GSE1: variants seen among roughly 807,000 people sequenced by gnomAD.
GSE1 encodes Gse1 coiled-coil protein, also known as genetic suppressor element 1.
In GSE1, 32 loss-of-function variants were observed where a neutral mutation model predicts 112.6. That is an observed-to-expected ratio of 0.28 (90% CI 0.21 to 0.38). The LOEUF is 0.38. GSE1 is among the 10% of genes least tolerant of loss of function. The pLI is 1.00. For synonymous variants in GSE1, 1,115 were observed against 735.6 expected (o/e 1.52, Z -8.35); for missense variants, 2,348 against 1,699.2 (o/e 1.38, Z -6.71).
At chr16:85,634,651 C>G (rs1482362279) in intron 2 of GSE1, among the ~76,000 whole-genome samples, 1 of 152,010 alleles carries the variant, frequency 6.6e-6, no homozygotes, top group Non-Finnish European at 1.5e-5. Flanking sequence ...CTGTGGGGAG[C>G]ATAGACAAGC....
chr16:85,530,967 T>G (rs7195591), intron 2 of GSE1, among the ~76,000 whole-genome samples: 141,348 of 152,308 alleles, frequency 0.93, 65,729 homozygotes, highest in East Asian at 0.98. Flanking sequence ...GTGTTGTTTG[T>G]GTTGTCACCT....
chr16:85,650,239 G>A (rs572036854), intron 3 of GSE1, among the ~76,000 whole-genome samples: 1 of 152,164 alleles, frequency 6.6e-6, no homozygotes, highest in Non-Finnish European at 1.5e-5. Context: ...TTTGAGGGAG[G>A]CTGAGGGAGT....
At chr16:85,608,904 G>A (rs1044355211), upstream of GSE1, among the ~76,000 whole-genome samples, 2 of 152,224 alleles carry the variant, frequency 1.3e-5, no homozygotes, top group Non-Finnish European at 2.9e-5. Flanking sequence ...CAGTTCCTAC[G>A]TGCTAGGAGC....
intron 1 of GSE1, among the ~76,000 whole-genome samples, chr16:85,202,427 G>T (rs1419088888): frequency 6.6e-6 from 1 of 152,238 alleles, no homozygotes; most frequent in African/African-American, 2.4e-5. Flanking sequence ...GAGAGCGGGG[G>T]TGGGGCCCAC....
chr16:85,645,716 G>A (rs998163065), intron 2 of GSE1, among the ~76,000 whole-genome samples: 5 of 152,216 alleles, frequency 3.3e-5, no homozygotes, highest in African/African-American at 4.8e-5. Flanking sequence ...TTCTGCCCCC[G>A]GAACCAAGGC....
intron 2 of GSE1, among the ~76,000 whole-genome samples, chr16:85,468,614 C>A (rs12447168): frequency 0.56 from 85,298 of 151,738 alleles, 25,506 homozygotes; most frequent in Non-Finnish European, 0.67. Context: ...GAGACACCAC[C>A]CCCAGCCCTC....
chr16:85,577,980 T>C (rs897562008), intron 1 of GSE1, among the ~76,000 whole-genome samples: 4 of 152,382 alleles, frequency 2.6e-5, no homozygotes, highest in Middle Eastern at 3.4e-3. Context: ...GGCAAGTTGC[T>C]TCCCCTCTCT....
intron 13 of GSE1, chr16:85,666,650 C>T: frequency 2.6e-6 from 1 of 386,324 alleles, no homozygotes; most frequent in Admixed American, 4.4e-5. Context: ...TTGGTTTTTG[C>T]AGAGATTAAA....
At chr16:85,662,892 G>T (rs759497738) in intron 9 of GSE1, 89 bp from the exon 10 acceptor site, 10 of 906,174 alleles carry the variant, frequency 1.1e-5, no homozygotes, top group Admixed American at 5.6e-5. Context: ...TGGCCTGATA[G>T]GTGCTCTGCA....
At chr16:85,644,583 T>C (rs1405993249) in intron 2 of GSE1, among the ~76,000 whole-genome samples, 1 of 152,112 alleles carries the variant, frequency 6.6e-6, no homozygotes, top group East Asian at 1.9e-4. Flanking sequence ...CGCGGTGGGA[T>C]TCCCTTGATG....
intron 2 of GSE1, among the ~76,000 whole-genome samples, chr16:85,439,518 G>T (rs2049326534): frequency 6.7e-6 from 1 of 148,612 alleles, no homozygotes; most frequent in South Asian, 2.1e-4. Context: ...TCACAGGCGG[G>T]GAAACACACG....
At chr16:85,357,448 C>T (rs922955372) in intron 1 of GSE1, 2 of 1,205,664 alleles carry the variant, frequency 1.7e-6, no homozygotes, top group African/African-American at 3.2e-5. Flanking sequence ...CTGTGTCCAC[C>T]TCTTTTCCTT....
At chr16:85,627,420 C>T (rs1015864970) in intron 1 of GSE1, among the ~76,000 whole-genome samples, 1 of 152,022 alleles carries the variant, frequency 6.6e-6, no homozygotes, top group African/African-American at 2.4e-5. Flanking sequence ...GGGGTATGTC[C>T]CCTGGCCCCT....
chr16:85,537,458 C>T (rs1247576177), intron 2 of GSE1, among the ~76,000 whole-genome samples: 2 of 152,178 alleles, frequency 1.3e-5, no homozygotes, highest in African/African-American at 2.4e-5. Context: ...GCTGCCCGGC[C>T]GGCCCAACCT....
intron 2 of GSE1, among the ~76,000 whole-genome samples, chr16:85,642,428 C>A (rs528989270): frequency 6.6e-6 from 1 of 152,170 alleles, no homozygotes; most frequent in Non-Finnish European, 1.5e-5. Flanking sequence ...CCACCCTGGC[C>A]GGCACCTGCC....
In GSE1 at chr16:85,657,555, C is replaced by T. The variant is rs746152576; in HGVS notation, c.1591C>T (p.Arg531Trp). Residue 531 changes from arginine to tryptophan, a missense_variant, in exon 8 of 16, where the codon CGG (arginine) becomes TGG (tryptophan). Transcript: ENST00000253458. ...GCTGGAGCAGCACCTGGATATGGGC[C>T]GGCCCCCGGTGCCGGCGGAGGCAGA... ...QVLEQHLDMGRPPVPAEAEHR... is the reference protein window; with the variant it reads ...QVLEQHLDMGWPPVPAEAEHR... 61 of 1,582,890 alleles carry T rather than the reference C, an allele frequency of 3.9e-5. 2 individuals carry two copies. The Middle Eastern group carries it at 6.2e-3, about 161-fold the overall frequency.
chr16:85,462,147 A>AC (rs1185974457), intron 2 of GSE1, among the ~76,000 whole-genome samples: 1 of 151,980 alleles, frequency 6.6e-6, no homozygotes, highest in Non-Finnish European at 1.5e-5. Flanking sequence ...TGTCCCCAGC[A>AC]CCCAGTCTCG....
At chr16:85,394,678 G>T (rs1420053332) in intron 2 of GSE1, among the ~76,000 whole-genome samples, 1 of 152,138 alleles carries the variant, frequency 6.6e-6, no homozygotes, top group African/African-American at 2.4e-5. Context: ...TGAAAGCCCT[G>T]GGGATTCATA....
intron 1 of GSE1, among the ~76,000 whole-genome samples, chr16:85,249,644 C>T (rs770853438): frequency 3.3e-5 from 5 of 152,324 alleles, no homozygotes; most frequent in African/African-American, 4.8e-5. Flanking sequence ...TGGGGGCAGG[C>T]GTCCAGCTGC....
Sources: gnomAD v4.1 joint callset for allele counts (sites outside exome capture counted in the v4.1 genomes callset) on GRCh38, gnomAD v4.1.1 for gene constraint, MANE v1.5 for transcripts, NCBI Gene and HGNC (gene_info 2026-07-23, HGNC 2026-07-21) for gene names.